The following SLC2A4RG variants were observed in gnomAD, a reference collection of about 807,000 sequenced individuals.
SLC2A4RG encodes the protein SLC2A4 regulator.
SLC2A4RG carries 23 observed loss-of-function variants against 35.5 expected under a neutral mutation model. The ratio of observed to expected loss-of-function variants is 0.65; its 90% CI spans 0.47 to 0.92. SLC2A4RG has a LOEUF of 0.92. SLC2A4RG is among the 40% of genes least tolerant of loss of function. SLC2A4RG has a pLI of 0.00. For synonymous variants in SLC2A4RG, 306 were observed against 243.7 expected (o/e 1.26, Z -2.38); for missense variants, 539 against 525.0 (o/e 1.03, Z -0.26).
Position 63,743,083 on chromosome 20 carries a change from C to A in SLC2A4RG, c.*93C>A. On this transcript the variant is annotated 3_prime_UTR_variant, in exon 8 of 8. Coordinates refer to ENST00000266077, the MANE Select transcript of SLC2A4RG (RefSeq NM_020062.4). The stretch of plus-strand genomic sequence containing the variant: ...AACAGCCCGAGGACAGCCCCAGGGG[C>A]TGGCTTTCACCAGCTGCAGGGTCTG... The A allele has an allele frequency of 1.9e-6, 1 of 524,910 alleles. No homozygotes were observed. The highest frequency in any genetic ancestry group is 3.7e-5 in the South Asian group (1 of 27,236). The allele number at this position is 524,910 out of a possible 1,614,324, so 32.5% of individuals were successfully genotyped here.
chr20:63,743,467 G>A lies in SLC2A4RG; in HGVS notation c.*477G>A, dbSNP rs2092056508. 1 of 153,882 alleles carries A rather than the reference G, an allele frequency of 6.5e-6. No homozygotes were observed. Among genetic ancestry groups the A allele is most frequent in the African/African-American group, 2.4e-5 (1 of 41,486 alleles). The allele number at this position is 153,882 out of a possible 1,614,324, so 9.5% of individuals were successfully genotyped here. On this transcript the variant is annotated 3_prime_UTR_variant, in exon 8 of 8. Coordinates refer to ENST00000266077, the MANE Select transcript of SLC2A4RG (RefSeq NM_020062.4). The stretch of plus-strand genomic sequence containing the variant: ...GGTGTCTCACGTCTGGGCTGCACCA[G>A]GCGAAGAGAGAAATTAAAGATTTGA...
intron 2 of SLC2A4RG, 129 bp from the exon 3 acceptor site, chr20:63,741,241 G>T: frequency 1.2e-6 from 1 of 825,032 alleles, no homozygotes; most frequent in Non-Finnish European, 1.9e-6. Context: ...GGAGGAGCCA[G>T]GCCTCATGCC....
Position 63,742,159 on chromosome 20 carries a change from G to A in SLC2A4RG, c.609G>A (p.Leu203=). 1 of 1,605,466 alleles carries A rather than the reference G, an allele frequency of 6.2e-7. No homozygotes were observed. Among genetic ancestry groups the A allele is most frequent in the Non-Finnish European group, 8.5e-7 (1 of 1,176,458 alleles). ...CGGCCCAGGTCATGTTCCAGTGTCT[G>A]TGGAAGAGCTGCGGGAAGGTGCTGA... The part of the protein sequence containing the change: ...KSPAQVMFQC[L]WKSCGKVLST... Residue 203 remains leucine (L), a synonymous_variant, in exon 5 of 8, where the codon CTG becomes CTA. Transcript: ENST00000266077.
In SLC2A4RG at chr20:63,741,458, C is replaced by G; in HGVS notation, c.370C>G (p.Pro124Ala). Residue 124 changes from proline (P) to alanine (A), a missense_variant, in exon 3 of 8, where the codon CCG becomes GCG. Physicochemically the swap from Pro to Ala is conservative, Grantham distance 27. Coordinates refer to ENST00000266077, the MANE Select transcript of SLC2A4RG (RefSeq NM_020062.4). ...LSTSPLLLGA[P>A]VAAFSPEPGL... ...CACCAGCCCTCTCCTTCTGGGGGCCCCGGTTGCAGCCTTCAGCCCAGGTAA... is the reference window on the plus strand; with the variant it reads ...CACCAGCCCTCTCCTTCTGGGGGCCGCGGTTGCAGCCTTCAGCCCAGGTAA... 3 of 1,613,480 alleles carry G rather than the reference C, an allele frequency of 1.9e-6. No individual in the cohort carries two copies. The highest frequency in any genetic ancestry group is 2.5e-6 in the Non-Finnish European group (3 of 1,179,896).
At chr20:63,740,599 C>A in intron 2 of SLC2A4RG, 68 bp downstream of exon 2, 2 of 1,215,532 alleles carry the variant, frequency 1.6e-6, no homozygotes, top group Non-Finnish European at 2.1e-6. Flanking sequence ...GCGGAGACAC[C>A]GGCCCCGACG....
At position 63,740,449 on chromosome 20, in the gene SLC2A4RG, G is replaced by T; in HGVS notation, c.199G>T (p.Asp67Tyr). 8.1e-7 allele frequency: 1 copy of T among 1,230,576 alleles called. No homozygotes were observed. Among genetic ancestry groups the T allele is most frequent in the Non-Finnish European group, 1.0e-6 (1 of 986,418 alleles). The allele number at this position is 1,230,576 out of a possible 1,614,324, so 76.2% of individuals were successfully genotyped here. A position where few individuals can be genotyped will look rare whatever the true frequency, so the allele number is the denominator to read the frequency against. ...GCAGGAGTCGGAGCCGCGGGCCTCG[G>T]ACCTGGGGGCCCCCCGGACGTGGAC... ...RPQESEPRASDLGAPRTWTGA... is the reference protein window; with the variant it reads ...RPQESEPRASYLGAPRTWTGA... Residue 67 changes from aspartate to tyrosine, a missense_variant, in exon 2 of 8, where the codon GAC becomes TAC. Transcript: ENST00000266077.
intron 2 of SLC2A4RG, among the ~76,000 whole-genome samples, chr20:63,740,887 G>C (rs1358806171): frequency 6.6e-6 from 1 of 152,180 alleles, no homozygotes; most frequent in Non-Finnish European, 1.5e-5. Flanking sequence ...CTGGCTGCCA[G>C]GGCAGGGGCG....
Position 63,742,044 on chromosome 20 carries a change from G to A in SLC2A4RG, c.567G>A (p.Leu189=). ...AAHFLFGEPT[L]RKRKSPAQVM... is the part of the protein sequence containing the mutation. ...ACTTTCTGTTTGGGGAGCCCACCCT[G>A]AGAAAAAGGAAGGTGAGCTTGGGGG... The change falls in exon 4 of 8, where the codon CTG becomes CTA. Residue 189 remains leucine (L), a synonymous_variant. Transcript: ENST00000266077. 6.2e-7 allele frequency: 1 copy of A among 1,611,702 alleles called. No homozygotes were observed. The highest frequency in any genetic ancestry group is 8.5e-7 in the Non-Finnish European group (1 of 1,178,738).
In SLC2A4RG at chr20:63,741,857, G is replaced by GT. The variant is rs745879895; in HGVS notation, c.392-11dup. ...CCCGAAGTTCTAAGGCGGGGGGCCC[G>GT]TGTCCCCACAGAGCCTGGCCTGGAG... On this transcript the variant is annotated splice_polypyrimidine_tract_variant and intron_variant, in intron 3 of 7. Coordinates refer to ENST00000266077, the MANE Select transcript of SLC2A4RG (RefSeq NM_020062.4). 5 of 1,575,538 alleles carry GT rather than the reference G, an allele frequency of 3.2e-6. No individual in the cohort carries two copies. Among genetic ancestry groups the GT allele is most frequent in the Non-Finnish European group, 1.7e-6 (2 of 1,161,744 alleles).
chr20:63,740,142 A>G lies in SLC2A4RG; in HGVS notation c.126+104A>G, dbSNP rs557629412. On this transcript the variant is annotated intron_variant, in intron 1 of 7. Transcript: ENST00000266077. ...GGCCCCCGGGGGCGGGGCAGCGGGG[A>G]GGGCGGCCGCGTCGGTCCGCGCGTG... is the stretch of plus-strand genomic sequence containing the variant. 7.2e-6 allele frequency: 4 copies of G among 557,258 alleles called. No homozygotes were observed. In the South Asian group the frequency reaches 3.1e-4, roughly 43 times the overall value. 34.5% of individuals were successfully genotyped at this position (557,258 alleles called of 1,614,324 possible). A position where few individuals can be genotyped will look rare whatever the true frequency, so the allele number is the denominator to read the frequency against.
At chr20:63,741,580 G>A in intron 3 of SLC2A4RG, 101 bp downstream of exon 3, 1 of 1,222,544 alleles carries the variant, frequency 8.2e-7, no homozygotes, top group African/African-American at 1.5e-5. Context: ...TCAAACCTGG[G>A]ACTCCTTTCT....
rs1345525180 is a variant in SLC2A4RG at position 63,739,999 on chromosome 20, G to A, written c.87G>A (p.Gly29=). Residue 29 remains glycine, a synonymous_variant, in exon 1 of 8, where the codon GGG becomes GGA. Coordinates refer to ENST00000266077, the MANE Select transcript of SLC2A4RG (RefSeq NM_020062.4). Reference sequence around the variant, plus strand: ...CGTGGCTGCGCGCGGAGGGTCCGGGGCCGCGCGCCGCGCCCGTGACGGTGC... The same window carrying A: ...CGTGGCTGCGCGCGGAGGGTCCGGGACCGCGCGCCGCGCCCGTGACGGTGC... ...EAPWLRAEGP[G]PRAAPVTVPT... 9.8e-5 allele frequency: 96 copies of A among 980,710 alleles called. No homozygotes were observed. Among genetic ancestry groups the A allele is most frequent in the Admixed American group, 2.5e-4 (4 of 15,762 alleles). 60.8% of individuals were successfully genotyped at this position (980,710 alleles called of 1,614,324 possible). A position where few individuals can be genotyped will look rare whatever the true frequency, so the allele number is the denominator to read the frequency against.
rs1008687856 is a variant in SLC2A4RG at position 63,740,501 on chromosome 20, C to T, written c.251C>T (p.Pro84Leu). 1.6e-6 allele frequency: 2 copies of T among 1,229,788 alleles called. No homozygotes were observed. Among genetic ancestry groups the T allele is most frequent in the South Asian group, 4.1e-5 (1 of 24,342 alleles). The allele number at this position is 1,229,788 out of a possible 1,614,324, so 76.2% of individuals were successfully genotyped here. The change falls in exon 2 of 8, where the codon CCG becomes CTG. Residue 84 changes from proline to leucine, a missense_variant. Physicochemically the swap from Pro to Leu is moderately conservative, Grantham distance 98. Coordinates refer to ENST00000266077, the MANE Select transcript of SLC2A4RG (RefSeq NM_020062.4). The stretch of plus-strand genomic sequence containing the variant: ...GGGGCGGCGGCGGGGCCCCGGACTC[C>T]GTCGGCGCACATCCCCGTCCCAGCG... Reference protein sequence around the residue: ...WTGAAAGPRTPSAHIPVPAQR... With the variant: ...WTGAAAGPRTLSAHIPVPAQR...
chr20:63,740,379 C>T lies in SLC2A4RG; in HGVS notation c.129C>T (p.Gly43=). The change falls in exon 2 of 8, where the codon GGC becomes GGT. Residue 43 remains glycine, a splice_region_variant and synonymous_variant. Coordinates refer to ENST00000266077, the MANE Select transcript of SLC2A4RG (RefSeq NM_020062.4). ...GTCTGCCCCCTCCCCATCCGCAGGG[C>T]TCTTCCGTGGGCGGCGGCTTCGCGG... ...APVTVPTPPQ[G]SSVGGGFAGL... is the part of the protein sequence containing the mutation. 1 of 1,228,110 alleles carries T rather than the reference C, an allele frequency of 8.1e-7. No homozygotes were observed. Among genetic ancestry groups the T allele is most frequent in the South Asian group, 4.1e-5 (1 of 24,484 alleles). 76.1% of individuals were successfully genotyped at this position (1,228,110 alleles called of 1,614,324 possible).
chr20:63,739,803 C>T lies in SLC2A4RG; in HGVS notation c.-110C>T, dbSNP rs1239576135. 2 of 955,900 alleles carry T rather than the reference C, an allele frequency of 2.1e-6. No individual in the cohort carries two copies. The highest frequency in any genetic ancestry group is 1.8e-5 in the African/African-American group (1 of 55,076). 59.2% of individuals were successfully genotyped at this position (955,900 alleles called of 1,614,324 possible). On this transcript the variant is annotated 5_prime_UTR_variant, in exon 1 of 8. Transcript: ENST00000266077. ...CCTCCGGGCGGCGCGGCGCGGGCGG[C>T]GGCCGGATCCAGGGCGGGGGTCGGC... is the stretch of plus-strand genomic sequence containing the variant.
intron 3 of SLC2A4RG, 143 bp from the exon 4 acceptor site, chr20:63,741,726 G>A (rs2253829): frequency 9.2e-6 from 13 of 1,419,650 alleles, no homozygotes; most frequent in East Asian, 2.5e-5. Flanking sequence ...TGCCGGGGGG[G>A]TTTCTCCCCA....
rs1389890111 is a variant in SLC2A4RG at position 63,743,082 on chromosome 20, G to A, written c.*92G>A. 9.8e-6 allele frequency: 7 copies of A among 717,764 alleles called. No individual in the cohort carries two copies. Among genetic ancestry groups the A allele is most frequent in the South Asian group, 2.7e-5 (1 of 37,200 alleles). The allele number at this position is 717,764 out of a possible 1,614,324, so 44.5% of individuals were successfully genotyped here. ...AAACAGCCCGAGGACAGCCCCAGGG[G>A]CTGGCTTTCACCAGCTGCAGGGTCT... On this transcript the variant is annotated 3_prime_UTR_variant, in exon 8 of 8. Coordinates refer to ENST00000266077, the MANE Select transcript of SLC2A4RG (RefSeq NM_020062.4).
At position 63,743,911 on chromosome 20, in the gene SLC2A4RG, T is replaced by TAA. The variant is rs920477237; in HGVS notation, c.*922_*923dup. Reference sequence around the variant, plus strand: ...CTCCAATACAAACACAGGTTTATAATAAGTAATAGGAAGTCAATATAATAT... The same window carrying TAA: ...CTCCAATACAAACACAGGTTTATAATAAAAGTAATAGGAAGTCAATATAATAT... On this transcript the variant is annotated 3_prime_UTR_variant, in exon 8 of 8. Coordinates refer to ENST00000266077, the MANE Select transcript of SLC2A4RG (RefSeq NM_020062.4). The TAA allele has an allele frequency of 4.6e-5, 7 of 152,424 alleles. No individual in the cohort carries two copies. The highest frequency in any genetic ancestry group is 7.4e-5 in the Non-Finnish European group (5 of 68,006). 9.4% of individuals were successfully genotyped at this position (152,424 alleles called of 1,614,324 possible). A position where few individuals can be genotyped will look rare whatever the true frequency, so the allele number is the denominator to read the frequency against.
chr20:63,742,927 G>A lies in SLC2A4RG; in HGVS notation c.1101G>A (p.Glu367=), dbSNP rs111866690. The A allele has an allele frequency of 2.8e-5, 45 of 1,612,548 alleles. No individual in the cohort carries two copies. The African/African-American group carries it at 3.7e-4, about 13-fold the overall frequency. ...AKKCRKVYGM[E]RRDLWCTACR... is the part of the protein sequence containing the mutation. ...AGTGCCGGAAGGTGTATGGCATGGA[G>A]CGCCGGGACCTCTGGTGCACAGCCT... Residue 367 remains glutamate, a synonymous_variant, in exon 8 of 8, where the codon GAG becomes GAA. Coordinates refer to ENST00000266077, the MANE Select transcript of SLC2A4RG (RefSeq NM_020062.4).
Sources: allele counts gnomAD v4.1 joint callset (sites outside exome capture counted in the v4.1 genomes callset), GRCh38; gene constraint gnomAD v4.1.1; transcripts MANE v1.5; gene names NCBI Gene and HGNC (gene_info 2026-07-23, HGNC 2026-07-21).